The following PHACTR1 variants were observed in gnomAD, a reference collection of about 807,000 sequenced individuals.
PHACTR1 encodes the protein phosphatase and actin regulator 1.
PHACTR1 carries 16 observed loss-of-function variants against 69.2 expected under a neutral mutation model. The observed-to-expected ratio is 0.23, with a 90% CI of 0.16 to 0.35. PHACTR1 has a LOEUF of 0.35. Among genes scored for constraint, PHACTR1 ranks in the 10% least tolerant of loss-of-function variants. The pLI, the probability that PHACTR1 is intolerant of heterozygous loss-of-function variation, is 1.00. For synonymous variants in PHACTR1, 312 were observed against 284.5 expected (o/e 1.10, Z -0.97); for missense variants, 510 against 734.7 (o/e 0.69, Z 3.54).
chr6:12,900,831 C>T (rs1191064985), intron 4 of PHACTR1, among the ~76,000 whole-genome samples: 3 of 152,128 alleles, frequency 2.0e-5, no homozygotes, highest in Non-Finnish European at 2.9e-5. Context: ...TGTGTGTTTT[C>T]GTTTTAACTC....
At chr6:13,259,312 T>C (rs978388927) in intron 10 of PHACTR1, among the ~76,000 whole-genome samples, 1 of 152,208 alleles carries the variant, frequency 6.6e-6, no homozygotes, top group Non-Finnish European at 1.5e-5. Context: ...CACTGTTTTG[T>C]TTTTCAATGG....
At chr6:13,264,611 C>T (rs1232264654) in intron 10 of PHACTR1, among the ~76,000 whole-genome samples, 4 of 152,068 alleles carry the variant, frequency 2.6e-5, no homozygotes, top group African/African-American at 9.7e-5. Flanking sequence ...CCCAGCTACT[C>T]GGGAGGCTGA....
Position 13,283,288 on chromosome 6 carries a change from G to A in PHACTR1, c.1510-134G>A, listed in dbSNP as rs1780716577. On this transcript the variant is annotated intron_variant, in intron 12 of 14. Coordinates refer to ENST00000332995, the MANE Select transcript of PHACTR1 (RefSeq NM_030948.6). The surrounding 1 kb of genome is among the most constrained non-coding windows in gnomAD (Gnocchi z 4.7). ...CCACCCTGGCCCTCCCCCTGCCCCTGCCCCTCACTCACTATGCGATGCATC... is the reference window on the plus strand; with the variant it reads ...CCACCCTGGCCCTCCCCCTGCCCCTACCCCTCACTCACTATGCGATGCATC... 1 of 807,450 alleles carries A rather than the reference G, an allele frequency of 1.2e-6. No individual in the cohort carries two copies. The highest frequency in any genetic ancestry group is 1.8e-6 in the Non-Finnish European group (1 of 546,864). 50.0% of individuals were successfully genotyped at this position (807,450 alleles called of 1,614,324 possible). A position where few individuals can be genotyped will look rare whatever the true frequency, so the allele number is the denominator to read the frequency against.
chr6:12,761,891 C>T (rs1768060819), intron 4 of PHACTR1, among the ~76,000 whole-genome samples: 1 of 152,206 alleles, frequency 6.6e-6, no homozygotes, highest in South Asian at 2.1e-4. Context: ...CACTCCCTCC[C>T]ACTCAAACCA....
chr6:13,199,244 G>A (rs1208864081), intron 7 of PHACTR1, among the ~76,000 whole-genome samples: 1 of 151,960 alleles, frequency 6.6e-6, no homozygotes, highest in African/African-American at 2.4e-5. Context: ...AAAATTAGCT[G>A]GGCTTGGTGG....
chr6:12,806,971 C>T (rs879652738), intron 4 of PHACTR1, among the ~76,000 whole-genome samples: 4 of 152,038 alleles, frequency 2.6e-5, no homozygotes, highest in African/African-American at 4.8e-5. Context: ...CCATTTCATG[C>T]GTAACTATTT....
intron 4 of PHACTR1, among the ~76,000 whole-genome samples, chr6:12,818,075 G>A (rs1775793493): frequency 6.6e-6 from 1 of 152,120 alleles, no homozygotes; most frequent in African/African-American, 2.4e-5. Context: ...CACCTGCCTT[G>A]GCCTCCCAAA....
chr6:12,891,288 A>G (rs1784147381), intron 4 of PHACTR1, among the ~76,000 whole-genome samples: 1 of 152,154 alleles, frequency 6.6e-6, no homozygotes. Context: ...TTATGTTAAC[A>G]TGCTAAAGTG....
chr6:12,953,364 A>G (rs1306065783), intron 4 of PHACTR1, among the ~76,000 whole-genome samples: 2 of 152,142 alleles, frequency 1.3e-5, no homozygotes, highest in African/African-American at 4.8e-5. Flanking sequence ...AAGCTACAAT[A>G]TTCTCATTCT....
At chr6:12,764,650 G>A (rs1768397120) in intron 4 of PHACTR1, among the ~76,000 whole-genome samples, 1 of 152,138 alleles carries the variant, frequency 6.6e-6, no homozygotes, top group African/African-American at 2.4e-5. Context: ...CCCTGCCTAG[G>A]ATATGGATAA....
intron 4 of PHACTR1, among the ~76,000 whole-genome samples, chr6:13,049,904 G>A (rs956368939): frequency 3.3e-5 from 5 of 152,202 alleles, no homozygotes; most frequent in Non-Finnish European, 5.9e-5. Context: ...ATACAGGTTT[G>A]AAGGCAGGAG....
At chr6:13,003,965 G>GTATATATATATATATATATATGTATA (rs772804033) in intron 4 of PHACTR1, among the ~76,000 whole-genome samples, 2 of 96,308 alleles carry the variant, frequency 2.1e-5, no homozygotes, top group African/African-American at 1.2e-4. Context: ...ATATATATAT[G>GTATATATATATATATATATATGTATA]TATATATATA....
At chr6:12,725,261 T>G (rs1762632457) in intron 3 of PHACTR1, among the ~76,000 whole-genome samples, 1 of 152,204 alleles carries the variant, frequency 6.6e-6, no homozygotes. Context: ...AACCTGACTC[T>G]AAACCTCTAG....
intron 5 of PHACTR1, among the ~76,000 whole-genome samples, chr6:13,101,973 A>C (rs1290523753): frequency 2.0e-5 from 3 of 152,222 alleles, no homozygotes; most frequent in Admixed American, 6.5e-5. Flanking sequence ...GGTTAATACC[A>C]CTAGGTTTCA....
Position 12,821,090 on chromosome 6 carries a change from T to C in PHACTR1, c.250+71300T>C, listed in dbSNP as rs370912048. ...GTATTTGTGTAGGCTAGACACAAAA[T>C]CTTTCTGAGACCTACCAATGTGGTT... On this transcript the variant is annotated intron_variant, in intron 4 of 14. Transcript: ENST00000332995. Among the ~76,000 whole-genome samples the C allele has an allele frequency of 3.9e-5, 6 of 152,300 alleles. No individual in the cohort carries two copies. The South Asian group carries it at 6.2e-4, about 16-fold the overall frequency.
chr6:12,914,800 C>A (rs1786793660), intron 4 of PHACTR1, among the ~76,000 whole-genome samples: 1 of 152,086 alleles, frequency 6.6e-6, no homozygotes, highest in Non-Finnish European at 1.5e-5. Context: ...CAGTCTAGAG[C>A]TAAGGAAAAG....
At chr6:12,884,937 A>G (rs180913484) in intron 4 of PHACTR1, among the ~76,000 whole-genome samples, 272 of 152,360 alleles carry the variant, frequency 1.8e-3, no homozygotes, top group South Asian at 4.1e-3. Context: ...AGAGCTGGAT[A>G]AAGGAACCAG....
chr6:13,184,885 A>C (rs1247854893), intron 7 of PHACTR1: 2 of 1,366,518 alleles, frequency 1.5e-6, no homozygotes, highest in East Asian at 4.5e-5. Context: ...ACTGCCCCCC[A>C]AAAAACCTGC....
At chr6:12,749,020 G>A (rs1275602863) in intron 3 of PHACTR1, among the ~76,000 whole-genome samples, 1 of 152,222 alleles carries the variant, frequency 6.6e-6, no homozygotes, top group Admixed American at 6.5e-5. Flanking sequence ...TGGCAGTAAG[G>A]GAGTAGAGAG....
Sources: allele counts gnomAD v4.1 joint callset (sites outside exome capture counted in the v4.1 genomes callset), GRCh38; gene constraint gnomAD v4.1.1; non-coding constraint Gnocchi (gnomAD v3.1); transcripts MANE v1.5; gene names NCBI Gene and HGNC (gene_info 2026-07-23, HGNC 2026-07-21).